DLGAP2: variants seen among roughly 807,000 people sequenced by gnomAD.
DLGAP2 encodes DLG associated protein 2.
A neutral mutation model predicts 100.3 loss-of-function variants in DLGAP2; 26 were observed. The observed-to-expected ratio is 0.26, with a 90% CI of 0.19 to 0.36. The LOEUF is 0.36. Among genes scored for constraint, DLGAP2 ranks in the 10% least tolerant of loss-of-function variants. The probability of loss-of-function intolerance (pLI) is 1.00; values close to 1 mark genes in which losing one functional copy is unlikely to be tolerated. For missense variants in DLGAP2, 1,858 were observed against 1,453.2 expected, an observed-to-expected ratio of 1.28 and a Z score of -4.53; for synonymous variants, 886 against 630.1, an observed-to-expected ratio of 1.41 and a Z score of -6.08.
At position 1,548,790 on chromosome 8, in the gene DLGAP2, G is replaced by A. The variant is rs1317098819; in HGVS notation, c.337G>A (p.Gly113Arg). The A allele has an allele frequency of 9.5e-6, 15 of 1,586,662 alleles. No individual in the cohort carries two copies. Among genetic ancestry groups the A allele is most frequent in the Admixed American group, 1.7e-5 (1 of 57,984 alleles). Reference sequence around the variant, plus strand: ...GGAGGACTGCGAGCACCTGCACCACGGGCCCGACGCGCGGCCGCCCTACCT... The same window carrying A: ...GGAGGACTGCGAGCACCTGCACCACAGGCCCGACGCGCGGCCGCCCTACCT... ...PPEDCEHLHH[G>R]PDARPPYLLS... The change falls in exon 5 of 15, where the codon GGG becomes AGG. Residue 113 changes from glycine (G) to arginine (R), a missense_variant. Coordinates refer to ENST00000637795, the MANE Select transcript of DLGAP2 (RefSeq NM_001346810.2).
intron 2 of DLGAP2, among the ~76,000 whole-genome samples, chr8:951,724 C>T (rs989583552): frequency 6.6e-6 from 1 of 152,184 alleles, no homozygotes; most frequent in African/African-American, 2.4e-5. Flanking sequence ...AGAGCATCGT[C>T]ATTCAGACGG....
At chr8:1,356,866 A>G (rs1327894294) in intron 3 of DLGAP2, among the ~76,000 whole-genome samples, 3 of 152,208 alleles carry the variant, frequency 2.0e-5, no homozygotes, top group Non-Finnish European at 4.4e-5. Context: ...AAGCCCGCAC[A>G]ATGAGGAAAC....
chr8:1,698,705 A>ATGCGTGGGACAGGTCAGTG (rs1799480571), intron 14 of DLGAP2, among the ~76,000 whole-genome samples: 6 of 59,026 alleles, frequency 1.0e-4, no homozygotes, highest in East Asian at 6.9e-4. Context: ...GCAGGTCCAC[A>ATGCGTGGGACAGGTCAGTG]TAAGCCATGC....
intron 3 of DLGAP2, among the ~76,000 whole-genome samples, chr8:1,376,070 AGCCCCCACC>A (rs1802379355): frequency 1.3e-4 from 16 of 122,838 alleles, no homozygotes; most frequent in Admixed American, 8.8e-4. Flanking sequence ...CTCAGAACTG[AGCCCCCACC>A]TCCTACATTT....
intron 2 of DLGAP2, among the ~76,000 whole-genome samples, chr8:1,255,519 A>G (rs142769146): frequency 0.011 from 526 of 47,146 alleles, 8 homozygotes; most frequent in African/African-American, 0.04. Context: ...TGTGTGTGTC[A>G]TCTCCTGCCT....
chr8:1,322,290 T>TG (rs1408338507), intron 3 of DLGAP2, among the ~76,000 whole-genome samples: 6 of 152,236 alleles, frequency 3.9e-5, no homozygotes, highest in Admixed American at 3.3e-4. Context: ...CCAAGCATAC[T>TG]GAAAAAACTT....
rs879697115 is a variant in DLGAP2 at position 1,363,318 on chromosome 8, G to A, written c.106+104435G>A. 7.2e-5 allele frequency among the ~76,000 whole-genome samples: 11 copies of A among 152,090 alleles called. 1 individual carries two copies. The highest frequency in any genetic ancestry group is 1.3e-4 in the Non-Finnish European group (9 of 67,986). ...CCTGCCTCTGCCTTGCAGGTCCCAC[G>A]CCCGTGGCATGCTTGCGGCTGTCTC... On this transcript the variant is annotated intron_variant, in intron 3 of 14. Transcript: ENST00000637795.
intron 3 of DLGAP2, among the ~76,000 whole-genome samples, chr8:1,422,826 A>T (rs1797135485): frequency 3.3e-5 from 5 of 152,142 alleles, no homozygotes; most frequent in Admixed American, 3.3e-4. Flanking sequence ...GCAGTCTTCA[A>T]ATGTGAGAGC....
At chr8:1,073,778 C>A (rs769484669) in intron 2 of DLGAP2, among the ~76,000 whole-genome samples, 15 of 152,262 alleles carry the variant, frequency 9.9e-5, no homozygotes, top group Non-Finnish European at 1.8e-4. Context: ...ACTGCCGTTC[C>A]TTCCCAAACG....
Position 1,683,453 on chromosome 8 carries a change from C to T in DLGAP2, c.2704+4824C>T, listed in dbSNP as rs1405480234. ...GTGCTACCTGACCTCACAGAGCCTT[C>T]TGTGGCCGGGGCATTCCCCATACCC... On this transcript the variant is annotated intron_variant, in intron 12 of 14. Coordinates refer to ENST00000637795, the MANE Select transcript of DLGAP2 (RefSeq NM_001346810.2). Among the ~76,000 whole-genome samples the T allele has an allele frequency of 2.0e-5, 3 of 151,604 alleles. No homozygotes were observed. The East Asian group carries it at 5.8e-4, about 29-fold the overall frequency.
chr8:1,566,267 G>A (rs1382031885), intron 6 of DLGAP2, among the ~76,000 whole-genome samples: 1 of 152,130 alleles, frequency 6.6e-6, no homozygotes, highest in African/African-American at 2.4e-5. Context: ...ACTCGTTAAC[G>A]GAATTTTGTT....
chr8:1,529,462 G>T (rs769377066), intron 4 of DLGAP2, among the ~76,000 whole-genome samples: 1 of 152,144 alleles, frequency 6.6e-6, no homozygotes, highest in Non-Finnish European at 1.5e-5. Flanking sequence ...ATGGACCGAA[G>T]ACTTCAGAAG....
At chr8:1,285,926 C>G (rs1644647440) in intron 3 of DLGAP2, among the ~76,000 whole-genome samples, 1 of 152,240 alleles carries the variant, frequency 6.6e-6, no homozygotes, top group Non-Finnish European at 1.5e-5. Context: ...CCACTGCCGT[C>G]TAGTCTGGGC....
chr8:1,338,954 G>A (rs1182075278), intron 3 of DLGAP2, among the ~76,000 whole-genome samples: 2 of 150,662 alleles, frequency 1.3e-5, no homozygotes, highest in African/African-American at 4.9e-5. Context: ...GAGGCGTCAG[G>A]ACCTGGCAGG....
intron 2 of DLGAP2, among the ~76,000 whole-genome samples, chr8:1,131,172 GC>G: frequency 6.6e-6 from 1 of 152,262 alleles, no homozygotes; most frequent in Middle Eastern, 3.4e-3. Flanking sequence ...GGATCTTTCA[GC>G]TGCTTTTCCC....
At chr8:1,197,390 C>A (rs971335057) in intron 2 of DLGAP2, among the ~76,000 whole-genome samples, 1 of 152,234 alleles carries the variant, frequency 6.6e-6, no homozygotes. Context: ...CTTTTCTTTC[C>A]GGGGAACCCA....
chr8:1,491,077 C>CAAA (rs386411871), intron 3 of DLGAP2, among the ~76,000 whole-genome samples: 3 of 64,516 alleles, frequency 4.7e-5, no homozygotes, highest in Non-Finnish European at 1.0e-4. Flanking sequence ...AACTGGAAAC[C>CAAA]AAAAAAAAAA....
chr8:1,291,525 CAG>C (rs1332055602), intron 3 of DLGAP2, among the ~76,000 whole-genome samples: 2 of 152,174 alleles, frequency 1.3e-5, no homozygotes, highest in Non-Finnish European at 1.5e-5. Context: ...GCCCATGACA[CAG>C]AGGGTTTTGT....
At chr8:1,040,750 C>T (rs1802322688) in intron 2 of DLGAP2, among the ~76,000 whole-genome samples, 2 of 152,140 alleles carry the variant, frequency 1.3e-5, no homozygotes, top group African/African-American at 4.8e-5. Context: ...AGAAGAGGTG[C>T]ATATGAGGGG....
Sources: gnomAD v4.1 joint callset for allele counts (sites outside exome capture counted in the v4.1 genomes callset) on GRCh38, gnomAD v4.1.1 for gene constraint, MANE v1.5 for transcripts, NCBI Gene and HGNC (gene_info 2026-07-23, HGNC 2026-07-21) for gene names.